CDH18: variants seen among roughly 807,000 people sequenced by gnomAD.
CDH18 encodes the protein cadherin-18.
In CDH18, 31 loss-of-function variants were observed where a neutral mutation model predicts 67.9. The ratio of observed to expected loss-of-function variants is 0.46; its 90% CI spans 0.34 to 0.62. The LOEUF (loss-of-function observed/expected upper bound fraction) is 0.62. Ranked by LOEUF, CDH18 falls within the 20% of genes least tolerant of loss-of-function variation. The probability of loss-of-function intolerance (pLI) is 0.01; values close to 1 mark genes in which losing one functional copy is unlikely to be tolerated. For synonymous variants in CDH18, 362 were observed against 347.2 expected (o/e 1.04, Z -0.48); for missense variants, 890 against 975.5 (o/e 0.91, Z 1.17).
intron 5 of CDH18, among the ~76,000 whole-genome samples, chr5:19,655,693 C>T (rs1340823786): frequency 6.6e-6 from 1 of 152,024 alleles, no homozygotes; most frequent in Non-Finnish European, 1.5e-5. Flanking sequence ...CTTAAGTTTT[C>T]CTCCTGAATA....
intron 1 of CDH18, among the ~76,000 whole-genome samples, chr5:20,409,375 G>A (rs1412495672): frequency 1.3e-5 from 2 of 151,488 alleles, no homozygotes; most frequent in Non-Finnish European, 3.0e-5. Flanking sequence ...AAATAGAAAA[G>A]TTCAAAAATA....
intron 5 of CDH18, among the ~76,000 whole-genome samples, chr5:19,624,105 G>A (rs992674189): frequency 6.6e-6 from 1 of 151,446 alleles, no homozygotes; most frequent in African/African-American, 2.4e-5. Flanking sequence ...TCTGCTGGGT[G>A]CAAGTGATTC....
intron 2 of CDH18, among the ~76,000 whole-genome samples, chr5:20,163,422 C>A (rs1736048097): frequency 6.6e-6 from 1 of 152,120 alleles, no homozygotes; most frequent in Non-Finnish European, 1.5e-5. Flanking sequence ...CTCTTTTAAT[C>A]TAAATCTGCT....
intron 2 of CDH18, among the ~76,000 whole-genome samples, chr5:20,028,559 T>G (rs1739115229): frequency 6.6e-6 from 1 of 152,172 alleles, no homozygotes; most frequent in Non-Finnish European, 1.5e-5. Context: ...TACGGTAGCC[T>G]CGACCTTATT....
chr5:19,917,631 A>T (rs1423358598), intron 2 of CDH18, among the ~76,000 whole-genome samples: 1 of 152,158 alleles, frequency 6.6e-6, no homozygotes, highest in Non-Finnish European at 1.5e-5. Flanking sequence ...CATTCCGTGT[A>T]TCGCTCATGG....
chr5:19,758,578 G>A (rs974627547), intron 3 of CDH18, among the ~76,000 whole-genome samples: 13 of 152,146 alleles, frequency 8.5e-5, no homozygotes, highest in Admixed American at 2.0e-4. Context: ...GCAGACTTTC[G>A]GGTCACCCAA....
intron 3 of CDH18, among the ~76,000 whole-genome samples, chr5:19,785,922 T>A (rs1243651847): frequency 6.6e-6 from 1 of 151,438 alleles, no homozygotes. Flanking sequence ...GTTCAGTAAA[T>A]GTTTATTAAA....
chr5:19,994,300 T>TATACACATATATGTATACATAA (rs1561695092), intron 2 of CDH18, among the ~76,000 whole-genome samples: 1 of 151,626 alleles, frequency 6.6e-6, no homozygotes, highest in Non-Finnish European at 1.5e-5. Context: ...TGTATACATA[T>TATACACATATATGTATACATAA]ATACACATAT....
At chr5:20,574,539 TTAAA>T (rs1348478484) in intron 1 of CDH18, among the ~76,000 whole-genome samples, 1 of 152,060 alleles carries the variant, frequency 6.6e-6, no homozygotes, top group Non-Finnish European at 1.5e-5. Context: ...CCAGTAAGCA[TTAAA>T]TAAATTCTTT....
intron 2 of CDH18, among the ~76,000 whole-genome samples, chr5:20,123,697 C>A (rs924929742): frequency 1.3e-5 from 2 of 152,086 alleles, no homozygotes; most frequent in Admixed American, 6.5e-5. Flanking sequence ...ACCATCCTGG[C>A]TAACATGGTG....
intron 2 of CDH18, among the ~76,000 whole-genome samples, chr5:20,206,361 A>G (rs1286637274): frequency 6.6e-6 from 1 of 151,936 alleles, no homozygotes; most frequent in African/African-American, 2.4e-5. Flanking sequence ...CTATTAAAGA[A>G]AATTCCAAAA....
chr5:20,284,461 C>T (rs996142277), intron 1 of CDH18, among the ~76,000 whole-genome samples: 14 of 151,956 alleles, frequency 9.2e-5, no homozygotes, highest in African/African-American at 3.1e-4. Context: ...AAACAGAAAA[C>T]ATGCTGATTA....
intron 2 of CDH18, among the ~76,000 whole-genome samples, chr5:19,967,280 C>G (rs1797544790): frequency 6.6e-6 from 1 of 151,882 alleles, no homozygotes; most frequent in South Asian, 2.1e-4. Context: ...GAGAAATATT[C>G]AATATTATTT....
At chr5:20,156,278 G>A (rs555834911) in intron 2 of CDH18, among the ~76,000 whole-genome samples, 6 of 152,048 alleles carry the variant, frequency 3.9e-5, no homozygotes, top group South Asian at 4.1e-4. Context: ...AGATACGCTC[G>A]TTATGTTTAT....
chr5:19,673,274 G>T (rs953643371), intron 5 of CDH18, among the ~76,000 whole-genome samples: 5 of 151,880 alleles, frequency 3.3e-5, no homozygotes, highest in Non-Finnish European at 7.4e-5. Flanking sequence ...GAGTTTATAG[G>T]TTTAGAAAAT....
chr5:19,732,149 C>A (rs1304358057), intron 4 of CDH18, among the ~76,000 whole-genome samples: 1 of 150,888 alleles, frequency 6.6e-6, no homozygotes, highest in East Asian at 2.0e-4. Flanking sequence ...CTAGTGCCTT[C>A]CCATAATTTA....
chr5:20,135,678 G>C (rs561857531), intron 2 of CDH18, among the ~76,000 whole-genome samples: 1 of 152,196 alleles, frequency 6.6e-6, no homozygotes, highest in African/African-American at 2.4e-5. Context: ...TTTTAATTGT[G>C]ATGTTAGGGT....
chr5:20,296,590 T>A (rs1313568686), intron 1 of CDH18, among the ~76,000 whole-genome samples: 1 of 152,114 alleles, frequency 6.6e-6, no homozygotes, highest in Non-Finnish European at 1.5e-5. Context: ...TATATGTTAC[T>A]AAAACACCTC....
At chr5:20,079,835 G>A (rs573034312) in intron 2 of CDH18, among the ~76,000 whole-genome samples, 9 of 152,120 alleles carry the variant, frequency 5.9e-5, no homozygotes, top group Non-Finnish European at 1.3e-4. Flanking sequence ...GGTGCCAGCA[G>A]ATCTCGTGTC....
Sources: gnomAD v4.1 joint callset for allele counts (sites outside exome capture counted in the v4.1 genomes callset) on GRCh38, gnomAD v4.1.1 for gene constraint, MANE v1.5 for transcripts, NCBI Gene and HGNC (gene_info 2026-07-23, HGNC 2026-07-21) for gene names.